Variants in RPTOR observed in about 807,000 individuals in gnomAD.
The protein encoded by RPTOR is regulatory-associated protein of mTOR.
In RPTOR, 21 loss-of-function variants were observed where a neutral mutation model predicts 169.9. That is an observed-to-expected ratio of 0.12 (90% CI 0.09 to 0.18). The LOEUF is 0.18. RPTOR is among the 10% of genes least tolerant of loss of function. RPTOR has a pLI of 1.00. For missense variants in RPTOR, 1,133 were observed against 1,855.9 expected, an observed-to-expected ratio of 0.61 and a Z score of 7.16; for synonymous variants, 732 against 753.2, an observed-to-expected ratio of 0.97 and a Z score of 0.46.
At chr17:80,810,047 C>CT (rs1266211680) in intron 7 of RPTOR, among the ~76,000 whole-genome samples, 7 of 116,720 alleles carry the variant, frequency 6.0e-5, no homozygotes, top group Admixed American at 1.8e-4. Context: ...GACTCCATCT[C>CT]AAAATAAATA....
At chr17:80,634,214 CTGTGTGCGTG>C (rs1336908431) in intron 2 of RPTOR, among the ~76,000 whole-genome samples, 1 of 113,998 alleles carries the variant, frequency 8.8e-6, no homozygotes, top group Non-Finnish European at 1.7e-5. Context: ...TGTGTGCATA[CTGTGTGCGTG>C]TGTGTACTGT....
At chr17:80,885,404 G>A (rs1205857672) in intron 17 of RPTOR, among the ~76,000 whole-genome samples, 2 of 152,164 alleles carry the variant, frequency 1.3e-5, no homozygotes, top group African/African-American at 4.8e-5. Flanking sequence ...CTTCCTGCCT[G>A]GGAGCAACAC....
At chr17:80,869,972 G>C (rs1305076587) in intron 13 of RPTOR, among the ~76,000 whole-genome samples, 2 of 152,160 alleles carry the variant, frequency 1.3e-5, no homozygotes, top group African/African-American at 4.8e-5. Context: ...ACTTTGCAAG[G>C]ATGGTGGTAG....
At chr17:80,555,361 A>G (rs1031369117) in intron 1 of RPTOR, among the ~76,000 whole-genome samples, 24 of 152,274 alleles carry the variant, frequency 1.6e-4, no homozygotes, top group African/African-American at 5.8e-4. Context: ...CTAGCCCTCC[A>G]TCAGGTCCTT....
intron 1 of RPTOR, among the ~76,000 whole-genome samples, chr17:80,579,174 ATTTATTTATTTG>A (rs2064992528): frequency 6.6e-6 from 1 of 151,596 alleles, no homozygotes; most frequent in Admixed American, 6.6e-5. Flanking sequence ...CTGATCTTTT[ATTTATTTATTTG>A]TTTATTTATT....
chr17:80,734,645 T>C (rs1422003400), intron 5 of RPTOR, among the ~76,000 whole-genome samples: 1 of 152,198 alleles, frequency 6.6e-6, no homozygotes, highest in East Asian at 1.9e-4. Context: ...GTTTGCAATA[T>C]GCCCACCACA....
chr17:80,937,745 G>A (rs2068971685), intron 24 of RPTOR, among the ~76,000 whole-genome samples: 1 of 152,236 alleles, frequency 6.6e-6, no homozygotes, highest in Non-Finnish European at 1.5e-5. Flanking sequence ...ATGAAGAGCT[G>A]CGGTGTCATT....
chr17:80,634,248 C>CGA (rs1567830315), intron 2 of RPTOR, among the ~76,000 whole-genome samples: 2 of 73,206 alleles, frequency 2.7e-5, no homozygotes, highest in African/African-American at 1.3e-4. Flanking sequence ...TGCGTGCATA[C>CGA]TGTATGCGTG....
intron 7 of RPTOR, among the ~76,000 whole-genome samples, chr17:80,796,729 G>A (rs2067105235): frequency 6.6e-6 from 1 of 152,232 alleles, no homozygotes; most frequent in Non-Finnish European, 1.5e-5. Flanking sequence ...CTGAGTCACT[G>A]TTCTCTGAAT....
chr17:80,682,975 A>AT (rs1282064278), intron 3 of RPTOR, among the ~76,000 whole-genome samples: 1 of 151,216 alleles, frequency 6.6e-6, no homozygotes, highest in Non-Finnish European at 1.5e-5. Flanking sequence ...TAATTTATTT[A>AT]TTTTTTGTAG....
intron 1 of RPTOR, among the ~76,000 whole-genome samples, chr17:80,574,535 G>A (rs1394074149): frequency 1.3e-5 from 2 of 151,798 alleles, no homozygotes; most frequent in African/African-American, 2.4e-5. Flanking sequence ...ATTTCATCTA[G>A]GTTTCAAATT....
chr17:80,584,015 T>G (rs2065039077), intron 1 of RPTOR, among the ~76,000 whole-genome samples: 1 of 152,184 alleles, frequency 6.6e-6, no homozygotes. Context: ...GTTGGTTGTT[T>G]GCTCCCAGAC....
At chr17:80,865,949 G>T (rs2067985183) in intron 13 of RPTOR, among the ~76,000 whole-genome samples, 1 of 152,148 alleles carries the variant, frequency 6.6e-6, no homozygotes, top group Non-Finnish European at 1.5e-5. Context: ...CCACAGTGGA[G>T]TCAAACTCAA....
chr17:80,719,676 A>C (rs1192943378), intron 4 of RPTOR, among the ~76,000 whole-genome samples: 1 of 152,164 alleles, frequency 6.6e-6, no homozygotes, highest in African/African-American at 2.4e-5. Context: ...GGGTTCTTGA[A>C]TACATATCAT....
At chr17:80,719,180 G>A (rs897661760) in intron 4 of RPTOR, among the ~76,000 whole-genome samples, 1 of 152,186 alleles carries the variant, frequency 6.6e-6, no homozygotes, top group Non-Finnish European at 1.5e-5. Flanking sequence ...GCCGAAGAAG[G>A]CCAAGAGAGT....
intron 5 of RPTOR, among the ~76,000 whole-genome samples, chr17:80,737,134 G>A (rs1247935495): frequency 6.6e-6 from 1 of 151,892 alleles, no homozygotes; most frequent in Non-Finnish European, 1.5e-5. Flanking sequence ...TTTTTCCTTT[G>A]GTTAATTTAG....
Position 80,723,124 on chromosome 17 carries a change from TGTG to T in RPTOR, c.508-7435_508-7433del, listed in dbSNP as rs2066301417. ...GCATCAGGTTTGGGGGTGCGTGGTG[TGTG>T]TGATTCTTATTACTGCAGATACCAA... On this transcript the variant is annotated intron_variant, in intron 4 of 33. Coordinates refer to ENST00000306801, the MANE Select transcript of RPTOR (RefSeq NM_020761.3). Among the ~76,000 whole-genome samples the T allele has an allele frequency of 2.0e-5, 3 of 151,342 alleles. No individual in the cohort carries two copies. The South Asian group carries it at 6.2e-4, about 31-fold the overall frequency.
At chr17:80,783,171 G>A (rs186247326) in intron 6 of RPTOR, among the ~76,000 whole-genome samples, 1 of 152,312 alleles carries the variant, frequency 6.6e-6, no homozygotes, top group East Asian at 1.9e-4. Context: ...TTCAGTCTTG[G>A]CATTCTTCGA....
intron 28 of RPTOR, among the ~76,000 whole-genome samples, chr17:80,951,997 G>A (rs927727623): frequency 5.9e-5 from 9 of 152,228 alleles, no homozygotes; most frequent in African/African-American, 1.9e-4. Context: ...ACAGGTGGGC[G>A]TTCCTGGGAC....
Sources: gnomAD v4.1 joint callset for allele counts (sites outside exome capture counted in the v4.1 genomes callset) on GRCh38, gnomAD v4.1.1 for gene constraint, MANE v1.5 for transcripts, NCBI Gene and HGNC (gene_info 2026-07-23, HGNC 2026-07-21) for gene names.